The following CFAP20DC variants were observed in gnomAD, a reference collection of about 807,000 sequenced individuals.
CFAP20DC encodes the protein protein CFAP20DC.
A neutral mutation model predicts 101.7 loss-of-function variants in CFAP20DC; 84 were observed. The ratio of observed to expected loss-of-function variants is 0.83; its 90% CI spans 0.69 to 0.99. The LOEUF is 0.99. CFAP20DC is among the 50% of genes least tolerant of loss of function. The pLI is 0.00. For synonymous variants in CFAP20DC, 359 were observed against 351.2 expected, an observed-to-expected ratio of 1.02 and a Z score of -0.25; for missense variants, 1,007 against 970.3, an observed-to-expected ratio of 1.04 and a Z score of -0.50.
intron 4 of CFAP20DC, among the ~76,000 whole-genome samples, chr3:58,954,410 C>G (rs1042105686): frequency 1.3e-5 from 2 of 152,104 alleles, no homozygotes; most frequent in African/African-American, 4.8e-5. Context: ...TTCTTTAAGC[C>G]AAAATGGTTT....
At chr3:58,862,451 A>T in intron 12 of CFAP20DC, 2 of 985,394 alleles carry the variant, frequency 2.0e-6, no homozygotes, top group Non-Finnish European at 2.4e-6. Flanking sequence ...AAGGATTTGC[A>T]GTAGGTTATG....
chr3:58,737,481 T>G (rs541912151), downstream of CFAP20DC, among the ~76,000 whole-genome samples: 17 of 152,254 alleles, frequency 1.1e-4, no homozygotes, highest in East Asian at 3.3e-3. This position sits in a 1 kb window ranked among gnomAD's most constrained non-coding sequence, Gnocchi z 4.1. Context: ...TGTGAGTGGA[T>G]AAAACCCTTG....
At position 58,964,932 on chromosome 3, in the gene CFAP20DC, A is replaced by C. The variant is rs1206394206; in HGVS notation, c.279-27170T>G. 2.6e-5 allele frequency among the ~76,000 whole-genome samples: 4 copies of C among 152,224 alleles called. No homozygotes were observed. The highest frequency in any genetic ancestry group is 9.6e-5 in the African/African-American group (4 of 41,464). On this transcript the variant is annotated intron_variant, in intron 4 of 16. Coordinates refer to ENST00000482387, the MANE Select transcript of CFAP20DC (RefSeq NM_001394063.1). The surrounding 1 kb of genome is among the most constrained non-coding windows in gnomAD (Gnocchi z 4.1). ...GAAACCACTACTGAAATATTTTCTA[A>C]AAAGGTTCTGCCCAACCTACTACTC... is the stretch of plus-strand genomic sequence containing the variant.
chr3:59,031,734 T>C (rs1216368230), intron 4 of CFAP20DC, among the ~76,000 whole-genome samples: 1 of 152,248 alleles, frequency 6.6e-6, no homozygotes, highest in Non-Finnish European at 1.5e-5. Context: ...AAAATTCATA[T>C]GTTAACAACA....
chr3:59,047,043 G>T, intron 2 of CFAP20DC, 122 bp downstream of exon 2: 1 of 657,178 alleles, frequency 1.5e-6, no homozygotes, highest in Non-Finnish European at 2.6e-6. Context: ...ACAATGTCAT[G>T]AAAGGGTTTT....
chr3:58,967,773 C>T (rs951418020), intron 4 of CFAP20DC, among the ~76,000 whole-genome samples: 1 of 152,110 alleles, frequency 6.6e-6, no homozygotes, highest in Non-Finnish European at 1.5e-5. Context: ...AAACTCATGT[C>T]ATGGGGGTTT....
chr3:58,909,187 C>T (rs947611114), intron 6 of CFAP20DC, among the ~76,000 whole-genome samples: 1 of 152,026 alleles, frequency 6.6e-6, no homozygotes, highest in African/African-American at 2.4e-5. Context: ...GTAAGTTCAT[C>T]GATTGTAACA....
rs576852946 is a variant in CFAP20DC, at chr3:58,796,784, TATCC to T, written c.2237+9607_2237+9610del. On this transcript the variant is annotated intron_variant, in intron 15 of 16. Transcript: ENST00000482387. ...GTTGAGCGAGTTTATCAGTGTCATT[TATCC>T]AACAGCATGGGCTCACTTTGTGTCT... Among the ~76,000 whole-genome samples, 208 of 152,336 alleles carry T rather than the reference TATCC, an allele frequency of 1.4e-3. 2 individuals are homozygous for T. Among genetic ancestry groups the T allele is most frequent in the African/African-American group, 4.2e-3 (174 of 41,586 alleles).
At chr3:58,873,008 T>G (rs2080372526) in intron 7 of CFAP20DC, among the ~76,000 whole-genome samples, 1 of 149,548 alleles carries the variant, frequency 6.7e-6, no homozygotes, top group South Asian at 2.2e-4. Context: ...GAAGTCTGGA[T>G]AGCTGTGCTG....
intron 4 of CFAP20DC, among the ~76,000 whole-genome samples, chr3:59,016,530 T>C (rs1020961827): frequency 6.6e-6 from 1 of 151,952 alleles, no homozygotes; most frequent in African/African-American, 2.4e-5. Context: ...GAAGAGAGGA[T>C]TGTGAATGTT....
chr3:58,951,943 A>C (rs1576459688), intron 4 of CFAP20DC, among the ~76,000 whole-genome samples: 1 of 152,316 alleles, frequency 6.6e-6, no homozygotes, highest in East Asian at 1.9e-4. Context: ...TGGTGTTCCA[A>C]AGCTCACTTT....
At chr3:58,764,493 C>T (rs977025530) in intron 15 of CFAP20DC, among the ~76,000 whole-genome samples, 4 of 152,156 alleles carry the variant, frequency 2.6e-5, no homozygotes, top group East Asian at 1.9e-4. Context: ...CCAGGTGAGG[C>T]GATGCCTCGC....
At chr3:58,841,534 G>A (rs1456779608) in intron 13 of CFAP20DC, among the ~76,000 whole-genome samples, 5 of 151,972 alleles carry the variant, frequency 3.3e-5, no homozygotes, top group African/African-American at 4.8e-5. Flanking sequence ...TAAATATATC[G>A]GGGCAGAAAC....
intron 14 of CFAP20DC, among the ~76,000 whole-genome samples, chr3:58,831,201 A>G (rs545767478): frequency 6.6e-6 from 1 of 152,236 alleles, no homozygotes; most frequent in Admixed American, 6.5e-5. Context: ...CACAGTGCCT[A>G]TCGTAGCCCA....
intron 15 of CFAP20DC, among the ~76,000 whole-genome samples, chr3:58,779,878 A>G (rs2071665457): frequency 6.6e-6 from 1 of 152,148 alleles, no homozygotes; most frequent in South Asian, 2.1e-4. Flanking sequence ...AACAGGTATA[A>G]TTCAAAAAGC....
intron 7 of CFAP20DC, among the ~76,000 whole-genome samples, chr3:58,878,693 T>C (rs1030820352): frequency 1.3e-5 from 2 of 152,180 alleles, no homozygotes; most frequent in South Asian, 4.2e-4. Flanking sequence ...CATGAGAAAT[T>C]GCTTAAAGGG....
rs947256802 is a variant in CFAP20DC at position 58,722,142 on chromosome 3, C to A, written c.198-4514G>T. 4.6e-5 allele frequency among the ~76,000 whole-genome samples: 7 copies of A among 152,198 alleles called. No homozygotes were observed. Among genetic ancestry groups the A allele is most frequent in the African/African-American group, 1.7e-4 (7 of 41,458 alleles). ...GCCATGTGGAGAGGCCACATGTAGA[C>A]CCTCTGGTCAATGGTCCCAGCTAAA... On this transcript the variant is annotated intron_variant, in intron 3 of 3. Transcript: ENST00000486145. The surrounding 1 kb of genome is among the most constrained non-coding windows in gnomAD (Gnocchi z 4.5).
At chr3:58,990,417 T>A (rs2092901886) in intron 4 of CFAP20DC, among the ~76,000 whole-genome samples, 1 of 152,170 alleles carries the variant, frequency 6.6e-6, no homozygotes, top group Non-Finnish European at 1.5e-5. Flanking sequence ...AGACACTGCA[T>A]CTACTGCTGC....
At chr3:58,932,056 A>G (rs2086781529) in intron 5 of CFAP20DC, among the ~76,000 whole-genome samples, 1 of 152,206 alleles carries the variant, frequency 6.6e-6, no homozygotes, top group Admixed American at 6.5e-5. Flanking sequence ...AACTAGAATA[A>G]CCAATACAGA....
Sources: gnomAD v4.1 joint callset for allele counts (sites outside exome capture counted in the v4.1 genomes callset) on GRCh38, gnomAD v4.1.1 for gene constraint, Gnocchi (gnomAD v3.1) non-coding constraint, MANE v1.5 for transcripts, NCBI Gene and HGNC (gene_info 2026-07-23, HGNC 2026-07-21) for gene names.